NRK: variants seen among roughly 807,000 people sequenced by gnomAD.
NRK encodes the protein Nik related kinase.
Under a neutral mutation model 125.2 loss-of-function variants are expected in NRK, and 67 were observed. The ratio of observed to expected loss-of-function variants is 0.54; its 90% CI spans 0.44 to 0.66. The LOEUF is 0.66. NRK is among the 30% of genes least tolerant of loss of function. The probability of loss-of-function intolerance (pLI) is 0.00; values close to 1 mark genes in which losing one functional copy is unlikely to be tolerated. For missense variants in NRK, 1,224 were observed against 1,192.9 expected, an observed-to-expected ratio of 1.03 and a Z score of -0.38; for synonymous variants, 458 against 429.0, an observed-to-expected ratio of 1.07 and a Z score of -0.84.
Position 105,898,661 on chromosome X carries a change from G to A in NRK, c.658G>A (p.Ala220Thr). 1.7e-6 allele frequency: 2 copies of A among 1,197,555 alleles called. No individual in the cohort carries two copies. Among genetic ancestry groups the A allele is most frequent in the Non-Finnish European group, 1.1e-6 (1 of 886,082 alleles). ...NSFIGTPYWM[A>T]PEVIDCDEDP... Reference sequence around the variant, plus strand: ...TTTCATTGGGACACCATACTGGATGGCACCTGAGGTGATTGACTGTGATGA... The same window carrying A: ...TTTCATTGGGACACCATACTGGATGACACCTGAGGTGATTGACTGTGATGA... The change falls in exon 8 of 29, where the codon GCA becomes ACA. Residue 220 changes from alanine to threonine, a missense_variant. Physicochemically the swap from Ala to Thr is moderately conservative, Grantham distance 58. Coordinates refer to ENST00000243300, the MANE Select transcript of NRK (RefSeq NM_198465.4).
intron 23 of NRK, among the ~76,000 whole-genome samples, chrX:105,941,561 G>C (rs1180664832): frequency 3.8e-4 from 39 of 103,039 alleles, no homozygotes; most frequent in Non-Finnish European, 1.6e-4. Context: ...CAGAAAGAGA[G>C]AGAGAGAGAG....
At chrX:105,941,555 AAGAGAGAGAGAGAG>A (rs771874766) in intron 23 of NRK, among the ~76,000 whole-genome samples, 2 of 85,275 alleles carry the variant, frequency 2.3e-5, no homozygotes, top group Admixed American at 1.4e-4. Flanking sequence ...GAGAGACAGA[AAGAGAGAGAGAGAG>A]AGAGAGAGAG....
intron 2 of NRK, among the ~76,000 whole-genome samples, chrX:105,851,584 G>A (rs1381690453): frequency 8.9e-6 from 1 of 112,031 alleles, no homozygotes; most frequent in Non-Finnish European, 1.9e-5. Context: ...ACAGATAAGA[G>A]TGGGTCTCAC....
chrX:105,937,838 G>T (rs187907632), intron 22 of NRK, among the ~76,000 whole-genome samples: 1 of 111,756 alleles, frequency 8.9e-6, no homozygotes, highest in East Asian at 2.8e-4. Flanking sequence ...GTTCTCTCCA[G>T]TGCAGCCTCC....
rs142292835 is a variant in NRK at position 105,828,764 on chromosome X, A to G, written c.58-2290A>G. Among the ~76,000 whole-genome samples, 716 of 111,912 alleles carry G rather than the reference A, an allele frequency of 6.4e-3. 6 individuals carry two copies. Among genetic ancestry groups the G allele is most frequent in the African/African-American group, 0.021 (658 of 30,910 alleles). ...TAACTTTTTTGTTGGCTTTTCTCTCATAAATCTTTCAATGAGTTATAACAA... is the reference window on the plus strand; with the variant it reads ...TAACTTTTTTGTTGGCTTTTCTCTCGTAAATCTTTCAATGAGTTATAACAA... On this transcript the variant is annotated intron_variant, in intron 1 of 28. Coordinates refer to ENST00000243300, the MANE Select transcript of NRK (RefSeq NM_198465.4).
Position 105,949,569 on chromosome X carries a change from T to C in NRK, c.4354-6T>C. ...ACATATAAATCTTTATGAAACATAA[T>C]TCCAGCCCCTGGAAATCATTATACC... is the stretch of plus-strand genomic sequence containing the variant. On this transcript the variant is annotated splice_region_variant and splice_polypyrimidine_tract_variant and intron_variant, in intron 26 of 28. Transcript: ENST00000243300. 1 of 1,181,697 alleles carries C rather than the reference T, an allele frequency of 8.5e-7. No homozygotes were observed. The highest frequency in any genetic ancestry group is 1.8e-5 in the South Asian group (1 of 55,208).
chrX:105,867,630 A>G (rs2039689107), intron 2 of NRK, among the ~76,000 whole-genome samples: 2 of 112,064 alleles, frequency 1.8e-5, no homozygotes, highest in Non-Finnish European at 3.8e-5. Context: ...CATAAACATT[A>G]AAATAATTCA....
rs1398066961 is a variant in NRK at position 105,923,917 on chromosome X, ATATATATATG to A, written c.2975+437_2975+446del. Among the ~76,000 whole-genome samples, 105 of 90,457 alleles carry A rather than the reference ATATATATATG, an allele frequency of 1.2e-3. 1 individual carries two copies. The highest frequency in any genetic ancestry group is 3.1e-3 in the Admixed American group (27 of 8,602). The allele number at this position is 90,457 out of a possible 115,157, so 78.6% of individuals were successfully genotyped here. ...TATATATATATATATATATATATAT[ATATATATATG>A]TGAAATTTAAGATGATCTTTATCTG... On this transcript the variant is annotated intron_variant, in intron 18 of 28. Transcript: ENST00000243300.
chrX:105,921,984 A>G lies in NRK; in HGVS notation c.2533A>G (p.Ser845Gly). Reference protein sequence around the residue: ...AASESSSEEESPVTGRRSQSS... With the variant: ...AASESSSEEEGPVTGRRSQSS... ...CATAGAATCTTCTTCTGAGGAAGAA[A>G]GTCCTGTGACTGGAAGGAGGTCTCA... The change falls in exon 17 of 29, where the codon AGT becomes GGT. Residue 845 changes from serine to glycine, a missense_variant. Coordinates refer to ENST00000243300, the MANE Select transcript of NRK (RefSeq NM_198465.4). 8.6e-7 allele frequency: 1 copy of G among 1,164,048 alleles called. No homozygotes were observed. The highest frequency in any genetic ancestry group is 1.2e-6 in the Non-Finnish European group (1 of 855,093).
chrX:105,952,032 T>C (rs1256852259), intron 27 of NRK, among the ~76,000 whole-genome samples: 1 of 112,564 alleles, frequency 8.9e-6, no homozygotes, highest in Non-Finnish European at 1.9e-5. Flanking sequence ...ATTTTAATTC[T>C]AGTCTGAAAT....
At chrX:105,838,850 C>T (rs1196955446) in intron 2 of NRK, among the ~76,000 whole-genome samples, 1 of 110,011 alleles carries the variant, frequency 9.1e-6, no homozygotes, top group Non-Finnish European at 1.9e-5. Flanking sequence ...GGAGCAAATT[C>T]CTGAATTGTT....
intron 11 of NRK, chrX:105,907,194 G>A (rs1218249167): frequency 9.0e-6 from 1 of 111,017 alleles, no homozygotes; most frequent in Non-Finnish European, 1.9e-5. Context: ...AGTGAGCCAA[G>A]ATCATGCCAC....
intron 10 of NRK, among the ~76,000 whole-genome samples, 176 bp downstream of exon 10, chrX:105,905,519 G>A (rs2040209320): frequency 1.8e-5 from 2 of 112,690 alleles, no homozygotes; most frequent in Non-Finnish European, 3.8e-5. Flanking sequence ...GAGGTAGCTA[G>A]CCAACTATAA....
intron 2 of NRK, among the ~76,000 whole-genome samples, chrX:105,863,043 T>C (rs1347404908): frequency 1.8e-5 from 2 of 111,596 alleles, no homozygotes; most frequent in Non-Finnish European, 3.8e-5. Context: ...GTATAAATGG[T>C]GGACAAGGAA....
In NRK at chrX:105,888,347, C is replaced by T; in HGVS notation, c.306C>T (p.Phe102=). The change falls in exon 5 of 29, where the codon TTC becomes TTT. Residue 102 remains phenylalanine (F), a synonymous_variant. Coordinates refer to ENST00000243300, the MANE Select transcript of NRK (RefSeq NM_198465.4). ...TELNLLRKYS[F]HKNIVSFYGA... ...TCAACCTTCTGAGGAAGTACTCTTTCCACAAAAACATTGTGTCCTTCTATG... is the reference window on the plus strand; with the variant it reads ...TCAACCTTCTGAGGAAGTACTCTTTTCACAAAAACATTGTGTCCTTCTATG... 1.7e-6 allele frequency: 2 copies of T among 1,196,127 alleles called. No individual in the cohort carries two copies. The highest frequency in any genetic ancestry group is 2.3e-6 in the Non-Finnish European group (2 of 884,467).
intron 18 of NRK, among the ~76,000 whole-genome samples, chrX:105,924,313 T>C (rs990039346): frequency 9.0e-6 from 1 of 111,159 alleles, no homozygotes; most frequent in African/African-American, 3.3e-5. Context: ...CATGTTGTGG[T>C]TGAGCTAAAA....
At chrX:105,932,980 T>C (rs1602688453) in intron 19 of NRK, among the ~76,000 whole-genome samples, 1 of 111,514 alleles carries the variant, frequency 9.0e-6, no homozygotes, top group African/African-American at 3.3e-5. Flanking sequence ...GTCTAATCCT[T>C]CCATGATTAT....
chrX:105,869,910 A>G (rs1431047370), intron 2 of NRK, among the ~76,000 whole-genome samples: 1 of 112,145 alleles, frequency 8.9e-6, no homozygotes, highest in African/African-American at 3.2e-5. Context: ...AAAGAAAGCA[A>G]TCTGTGTTAA....
At chrX:105,941,594 T>G (rs948663547) in intron 23 of NRK, among the ~76,000 whole-genome samples, 1 of 69,585 alleles carries the variant, frequency 1.4e-5, no homozygotes, top group Non-Finnish European at 2.7e-5. Flanking sequence ...AGAGAGAGAA[T>G]GCGTAGGGAT....
Sources: gnomAD v4.1 joint callset for allele counts (sites outside exome capture counted in the v4.1 genomes callset) on GRCh38, gnomAD v4.1.1 for gene constraint, MANE v1.5 for transcripts, NCBI Gene and HGNC (gene_info 2026-07-23, HGNC 2026-07-21) for gene names.